Variants in FHIT observed in about 807,000 individuals in gnomAD.
FHIT encodes the protein fragile histidine triad diadenosine triphosphatase, also known as bis(5'-adenosyl)-triphosphatase.
Under a neutral mutation model 17.9 loss-of-function variants are expected in FHIT, and 19 were observed. The ratio of observed to expected loss-of-function variants is 1.06; its 90% CI spans 0.74 to 1.56. The LOEUF is 1.56. Ranked by LOEUF, FHIT falls within the 40% of genes most tolerant of loss-of-function variation. FHIT has a pLI of 0.00. For synonymous variants in FHIT, 81 were observed against 69.7 expected (o/e 1.16, Z -0.81); for missense variants, 248 against 189.2 (o/e 1.31, Z -1.82).
intron 7 of FHIT, among the ~76,000 whole-genome samples, chr3:59,984,782 A>G (rs947695872): frequency 1.3e-5 from 2 of 152,080 alleles, no homozygotes; most frequent in African/African-American, 4.8e-5. Context: ...GGGACAAAAC[A>G]AAGATTATTG....
At chr3:60,025,560 A>AT (rs952169692) in intron 5 of FHIT, among the ~76,000 whole-genome samples, 2 of 152,156 alleles carry the variant, frequency 1.3e-5, no homozygotes, top group Non-Finnish European at 2.9e-5. Context: ...CAAACAAAAG[A>AT]TTTTTTAATG....
rs1326624709 is a variant in FHIT at position 60,105,393 on chromosome 3, C to T, written c.104-91241G>A. 2.0e-5 allele frequency among the ~76,000 whole-genome samples: 3 copies of T among 152,176 alleles called. 1 individual carries two copies. On this transcript the variant is annotated intron_variant, in intron 5 of 9. Transcript: ENST00000492590. ...ATACAGTTTTTGTGCTCTATGCCAA[C>T]AAAGAACAGAATGTTTAGTAAATCA...
chr3:60,965,010 A>G (rs1312261325), intron 3 of FHIT, among the ~76,000 whole-genome samples: 2 of 152,146 alleles, frequency 1.3e-5, no homozygotes, highest in Non-Finnish European at 2.9e-5. Flanking sequence ...CTCCTGGATA[A>G]TATCCTGCAG....
intron 7 of FHIT, among the ~76,000 whole-genome samples, chr3:59,970,228 G>T (rs1370834253): frequency 6.6e-6 from 1 of 152,130 alleles, no homozygotes; most frequent in Non-Finnish European, 1.5e-5. Context: ...GGCTTTAAAA[G>T]AATTTAGGTC....
chr3:60,094,549 C>T (rs1703860928), intron 5 of FHIT, among the ~76,000 whole-genome samples: 1 of 152,184 alleles, frequency 6.6e-6, no homozygotes, highest in Admixed American at 6.5e-5. Context: ...TATTCTGAGA[C>T]AACCTAATTG....
intron 5 of FHIT, among the ~76,000 whole-genome samples, chr3:60,293,525 A>C (rs1298365612): frequency 1.3e-5 from 2 of 152,176 alleles, no homozygotes; most frequent in East Asian, 3.8e-4. Context: ...TTAATGGGGA[A>C]GGAGGTCAGG....
At chr3:60,525,556 C>A (rs1314110047) in intron 5 of FHIT, among the ~76,000 whole-genome samples, 1 of 152,116 alleles carries the variant, frequency 6.6e-6, no homozygotes, top group Non-Finnish European at 1.5e-5. Context: ...TTCCAGCCAC[C>A]CTATGTTGAA....
At chr3:60,438,752 C>T (rs140977980) in intron 5 of FHIT, among the ~76,000 whole-genome samples, 45 of 152,258 alleles carry the variant, frequency 3.0e-4, no homozygotes, top group African/African-American at 1.1e-3. Context: ...TGATCACCAA[C>T]TAACCACATT....
At chr3:59,949,527 G>A (rs746076573) in intron 7 of FHIT, among the ~76,000 whole-genome samples, 176 of 152,320 alleles carry the variant, frequency 1.2e-3, no homozygotes, top group Non-Finnish European at 2.3e-3. Flanking sequence ...GCAGGCTTGG[G>A]ATAGATATGT....
intron 3 of FHIT, among the ~76,000 whole-genome samples, chr3:61,033,083 G>A (rs539334882): frequency 1.3e-4 from 20 of 152,322 alleles, no homozygotes; most frequent in East Asian, 3.9e-4. Context: ...ATGCTCAGTC[G>A]CCTTGATGAG....
At chr3:60,010,071 T>C (rs986249315) in intron 7 of FHIT, among the ~76,000 whole-genome samples, 5 of 152,196 alleles carry the variant, frequency 3.3e-5, no homozygotes, top group Non-Finnish European at 7.3e-5. Context: ...CAAATAGATA[T>C]TGCATAGTGC....
At chr3:60,453,028 G>A (rs1049334035) in intron 5 of FHIT, among the ~76,000 whole-genome samples, 2 of 152,136 alleles carry the variant, frequency 1.3e-5, no homozygotes, top group Admixed American at 1.3e-4. Flanking sequence ...CAAGTTCAAA[G>A]TACAAAATGA....
intron 8 of FHIT, among the ~76,000 whole-genome samples, chr3:59,835,917 CT>C (rs1238087881): frequency 2.0e-5 from 3 of 152,122 alleles, no homozygotes; most frequent in Non-Finnish European, 4.4e-5. Flanking sequence ...GCCCTAGTCG[CT>C]TAAGAGTAAA....
intron 5 of FHIT, among the ~76,000 whole-genome samples, chr3:60,019,355 A>G (rs913845500): frequency 4.6e-5 from 7 of 151,666 alleles, no homozygotes; most frequent in Non-Finnish European, 7.4e-5. Context: ...ACAGGGGCCC[A>G]AGGTATCTTG....
At chr3:60,877,945 G>C (rs1704747903) in intron 3 of FHIT, among the ~76,000 whole-genome samples, 1 of 152,052 alleles carries the variant, frequency 6.6e-6, no homozygotes, top group Non-Finnish European at 1.5e-5. Context: ...CTGGGATACA[G>C]ATATGCCCCA....
At chr3:60,360,707 CA>C (rs1699872702) in intron 5 of FHIT, among the ~76,000 whole-genome samples, 1 of 152,164 alleles carries the variant, frequency 6.6e-6, no homozygotes, top group African/African-American at 2.4e-5. Flanking sequence ...AATTCAAAAT[CA>C]ATATGGCCAA....
intron 4 of FHIT, among the ~76,000 whole-genome samples, chr3:60,642,014 C>G (rs558476716): frequency 6.6e-6 from 1 of 151,946 alleles, no homozygotes; most frequent in African/African-American, 2.4e-5. Context: ...GGGAGTGGGA[C>G]GACTATCATC....
chr3:60,138,934 G>T (rs775279831), intron 5 of FHIT, among the ~76,000 whole-genome samples: 2 of 152,142 alleles, frequency 1.3e-5, no homozygotes, highest in Non-Finnish European at 2.9e-5. Context: ...AGCCACACTA[G>T]CAACAAAATA....
chr3:60,947,816 G>A (rs2107445771), intron 3 of FHIT, among the ~76,000 whole-genome samples: 1 of 152,294 alleles, frequency 6.6e-6, no homozygotes, highest in African/African-American at 2.4e-5. Context: ...ACTTCAGGCA[G>A]GGGATAGGCG....
Sources: gnomAD v4.1 joint callset for allele counts (sites outside exome capture counted in the v4.1 genomes callset) on GRCh38, gnomAD v4.1.1 for gene constraint, MANE v1.5 for transcripts, NCBI Gene and HGNC (gene_info 2026-07-23, HGNC 2026-07-21) for gene names.